The following PITPNM1 variants were observed in gnomAD, a reference collection of about 807,000 sequenced individuals.
PITPNM1 encodes the protein phosphatidylinositol transfer protein membrane associated 1.
Under a neutral mutation model 133.3 loss-of-function variants are expected in PITPNM1, and 74 were observed. That is an observed-to-expected ratio of 0.56 (90% CI 0.46 to 0.67). PITPNM1 has a LOEUF of 0.67. Ranked by LOEUF, PITPNM1 falls within the 30% of genes least tolerant of loss-of-function variation. The pLI is 0.00. For missense variants in PITPNM1, 1,398 were observed against 1,739.5 expected (o/e 0.80, Z 3.49); for synonymous variants, 738 against 741.4 (o/e 1.00, Z 0.08).
chr11:67,497,109 G>A, intron 14 of PITPNM1, 122 bp downstream of exon 14: 1 of 790,096 alleles, frequency 1.3e-6, no homozygotes. Context: ...TCTGTAGCCA[G>A]GCCTTTGAAT....
rs147615368 is a variant in PITPNM1, at chr11:67,499,727, C to A, written c.1167G>T (p.Thr389=). The change falls in exon 8 of 24, where the codon ACG becomes ACT. Residue 389 remains threonine, a synonymous_variant. Transcript: ENST00000356404. ...TGTCCTAGGCGGTATCTTTACCTGG[C>A]GTTCCCTCTGCCTCCACTGGGGAGG... The part of the protein sequence containing the change: ...AFASPVEAEG[T]PEPGAEAAKG... 8 of 1,493,636 alleles carry A rather than the reference C, an allele frequency of 5.4e-6. No homozygotes were observed. In the Admixed American group the frequency reaches 9.0e-5, roughly 17 times the overall value. 92.5% of individuals were successfully genotyped at this position (1,493,636 alleles called of 1,614,324 possible). A position where few individuals can be genotyped will look rare whatever the true frequency, so the allele number is the denominator to read the frequency against.
In PITPNM1 at chr11:67,494,828, G is replaced by T; in HGVS notation, c.2742+18C>A. The stretch of plus-strand genomic sequence containing the variant: ...AGAGTGGGCGAGTGGGCGAGGGGGC[G>T]AGGGGCAGGGCACCTACCCGGATCT... On this transcript the variant is annotated intron_variant, in intron 18 of 23. Transcript: ENST00000356404. 1 of 1,553,246 alleles carries T rather than the reference G, an allele frequency of 6.4e-7. No individual in the cohort carries two copies. Among genetic ancestry groups the T allele is most frequent in the Non-Finnish European group, 8.8e-7 (1 of 1,130,410 alleles).
intron 23 of PITPNM1, 40 bp downstream of exon 23, chr11:67,492,894 C>G (rs780405510): frequency 1.3e-6 from 2 of 1,597,244 alleles, no homozygotes; most frequent in South Asian, 1.1e-5. Flanking sequence ...GGCCCTGCCC[C>G]CTGGTGGGGT....
chr11:67,498,904 G>A lies in PITPNM1; in HGVS notation c.1233+36C>T, dbSNP rs537467937. The stretch of plus-strand genomic sequence containing the variant: ...CAGCAGTGGCCGGGCCAGTGAGTAG[G>A]GGGAGCTTTGACATGGGGTGGCTGA... On this transcript the variant is annotated intron_variant, in intron 9 of 23. Transcript: ENST00000356404. This position sits in a 1 kb window ranked among gnomAD's most constrained non-coding sequence, Gnocchi z 5.7. The A allele has an allele frequency of 3.1e-6, 5 of 1,611,834 alleles. No individual in the cohort carries two copies. In the East Asian group the frequency reaches 1.1e-4, roughly 36 times the overall value.
chr11:67,493,281 G>T, intron 22 of PITPNM1, 129 bp downstream of exon 22: 1 of 1,137,590 alleles, frequency 8.8e-7, no homozygotes, highest in Non-Finnish European at 1.2e-6. Flanking sequence ...GACCGTAGCG[G>T]GCCGCTGCAG....
intron 15 of PITPNM1, 91 bp from the exon 16 acceptor site, chr11:67,495,693 G>C: frequency 7.9e-7 from 1 of 1,272,454 alleles, no homozygotes; most frequent in Non-Finnish European, 1.1e-6. Context: ...CCATCTTCCT[G>C]TGGCCCCTCT....
chr11:67,497,353 T>C lies in PITPNM1; in HGVS notation c.2024A>G (p.Glu675Gly). ...AGTGCTGCTGGGGCCGTCAGGTGCCTCGGAACTGGCAGCGGGTGGGCAGAA... is the reference window on the plus strand; with the variant it reads ...AGTGCTGCTGGGGCCGTCAGGTGCCCCGGAACTGGCAGCGGGTGGGCAGAA... ...TAFCPPAASS[E>G]APDGPSSTAR... is the part of the protein sequence containing the mutation. Residue 675 changes from glutamate (E) to glycine (G), a missense_variant, in exon 14 of 24, where the codon GAG becomes GGG. Transcript: ENST00000356404. 2 of 1,606,734 alleles carry C rather than the reference T, an allele frequency of 1.2e-6. No homozygotes were observed. The highest frequency in any genetic ancestry group is 1.7e-6 in the Non-Finnish European group (2 of 1,175,666).
In PITPNM1 at chr11:67,492,210, GGCA is replaced by G; in HGVS notation, c.3555_3557del (p.Ala1186del). 2.5e-6 allele frequency: 4 copies of G among 1,610,756 alleles called. No individual in the cohort carries two copies. Among genetic ancestry groups the G allele is most frequent in the Non-Finnish European group, 3.4e-6 (4 of 1,179,228 alleles). On this transcript the variant is annotated inframe_deletion, in exon 24 of 24. Coordinates refer to ENST00000356404, the MANE Select transcript of PITPNM1 (RefSeq NM_004910.3). Reference sequence around the variant, plus strand: ...CCACACCATAGCTGCTCTTGCCCAAGGCAGCTCTCGGGGGTCCCGAGGAGGCAT... The same window carrying G: ...CCACACCATAGCTGCTCTTGCCCAAGGCTCTCGGGGGTCCCGAGGAGGCAT...
At position 67,504,223 on chromosome 11, in the gene PITPNM1, T is replaced by A. The variant is rs1183251269; in HGVS notation, c.-41-2A>T. On this transcript the variant is annotated splice_acceptor_variant, in intron 1 of 23. Coordinates refer to ENST00000356404, the MANE Select transcript of PITPNM1 (RefSeq NM_004910.3). LOFTEE classifies it low-confidence loss of function (5UTR_SPLICE). The surrounding 1 kb of genome is among the most constrained non-coding windows in gnomAD (Gnocchi z 5.4). The stretch of plus-strand genomic sequence containing the variant: ...GGCCGCGCGCGGCCTCCGCTCCTCC[T>A]GGCGCAGGGCACGGCGCGACAGTCA... The A allele has an allele frequency of 7.0e-7, 1 of 1,420,728 alleles. No homozygotes were observed. Among genetic ancestry groups the A allele is most frequent in the Non-Finnish European group, 9.5e-7 (1 of 1,048,052 alleles). The allele number at this position is 1,420,728 out of a possible 1,614,324, so 88.0% of individuals were successfully genotyped here. A position where few individuals can be genotyped will look rare whatever the true frequency, so the allele number is the denominator to read the frequency against.
chr11:67,503,938 C>T (rs1866410420), intron 2 of PITPNM1, 165 bp downstream of exon 2: 4 of 539,066 alleles, frequency 7.4e-6, no homozygotes, highest in African/African-American at 2.0e-5. Flanking sequence ...AAGCACCACT[C>T]GGCCCTCCTG....
intron 7 of PITPNM1, 42 bp from the exon 8 acceptor site, chr11:67,499,872 C>T (rs925967860): frequency 6.3e-7 from 1 of 1,596,066 alleles, no homozygotes; most frequent in Non-Finnish European, 8.6e-7. Context: ...GGAGGAGCTG[C>T]TCGGGGACAT....
Position 67,504,201 on chromosome 11 carries a change from C to T in PITPNM1, c.-21G>A, listed in dbSNP as rs943701347. The T allele has an allele frequency of 7.6e-6, 12 of 1,576,182 alleles. No homozygotes were observed. The Admixed American group carries it at 1.4e-4, about 19-fold the overall frequency. On this transcript the variant is annotated 5_prime_UTR_variant, in exon 2 of 24. Coordinates refer to ENST00000356404, the MANE Select transcript of PITPNM1 (RefSeq NM_004910.3). The surrounding 1 kb of genome is among the most constrained non-coding windows in gnomAD (Gnocchi z 5.4). ...AGCATCCTGAAGGCGCTCGGCGGGC[C>T]GCGCGCGGCCTCCGCTCCTCCTGGC...
chr11:67,493,033 C>T lies in PITPNM1; in HGVS notation c.3372G>A (p.Gly1124=). 1 of 1,613,068 alleles carries T rather than the reference C, an allele frequency of 6.2e-7. No homozygotes were observed. Among genetic ancestry groups the T allele is most frequent in the South Asian group, 1.1e-5 (1 of 91,084 alleles). ...CGTATACAGCCACATCTTTGGGAGA[C>T]CCATAACCGGCCACGATGTTCAGTT... ...EVELNIVAGY[G]SPKDVAVYAA... Residue 1124 remains glycine (G), a synonymous_variant, in exon 23 of 24, where the codon GGG becomes GGA. Coordinates refer to ENST00000356404, the MANE Select transcript of PITPNM1 (RefSeq NM_004910.3).
At position 67,499,976 on chromosome 11, in the gene PITPNM1, C is replaced by T. The variant is rs1490023443; in HGVS notation, c.1001G>A (p.Arg334His). ...AGAGTCTCGGGCAATGTTCTGCATG[C>T]GCCACTCAGACAAGCTCTGGGGAGA... ...AVSPQSLSEW[R>H]MQNIARDSEN... Residue 334 changes from arginine to histidine, a missense_variant, in exon 7 of 24, where the codon CGC (arginine) becomes CAC (histidine). Physicochemically the swap from Arg to His is conservative, Grantham distance 29 (BLOSUM62 0). Around this residue, in one of 5 missense-constraint regions of PITPNM1, gnomAD observed 195 missense variants for 178.8 expected, o/e 1.09. Coordinates refer to ENST00000356404, the MANE Select transcript of PITPNM1 (RefSeq NM_004910.3). 5.0e-6 allele frequency: 8 copies of T among 1,612,566 alleles called. No homozygotes were observed. The highest frequency in any genetic ancestry group is 2.2e-5 in the East Asian group (1 of 44,864).
In PITPNM1 at chr11:67,496,208, G is replaced by T. The variant is rs755562660; in HGVS notation, c.2287C>A (p.Pro763Thr). 2 of 1,545,718 alleles carry T rather than the reference G, an allele frequency of 1.3e-6. No individual in the cohort carries two copies. The highest frequency in any genetic ancestry group is 1.4e-5 in the African/African-American group (1 of 70,292). ...PLTVPRYQKF[P>T]LGDGSSLLLA... Reference sequence around the variant, plus strand: ...AGCAGGGATGAGCCATCTCCCAGGGGGAACTTCTGGTAGCGGGGCACGGTC... The same window carrying T: ...AGCAGGGATGAGCCATCTCCCAGGGTGAACTTCTGGTAGCGGGGCACGGTC... The change falls in exon 15 of 24, where the codon CCC (proline) becomes ACC (threonine). Residue 763 changes from proline to threonine, a missense_variant. Physicochemically the swap from Pro to Thr is conservative, Grantham distance 38. Around this residue, in one of 5 missense-constraint regions of PITPNM1, gnomAD observed 574 missense variants for 698.7 expected, o/e 0.82. Transcript: ENST00000356404.
intron 22 of PITPNM1, 147 bp from the exon 23 acceptor site, chr11:67,493,209 G>A: frequency 8.8e-7 from 1 of 1,136,748 alleles, no homozygotes; most frequent in South Asian, 1.4e-5. Flanking sequence ...GACAGGGGCG[G>A]GACCAGCTGC....
rs1218229420 is a variant in PITPNM1, at chr11:67,497,528, T to C, written c.1934A>G (p.Gln645Arg). 5.0e-6 allele frequency: 8 copies of C among 1,607,924 alleles called. No homozygotes were observed. Among genetic ancestry groups the C allele is most frequent in the Non-Finnish European group, 6.8e-6 (8 of 1,178,086 alleles). The change falls in exon 13 of 24, where the codon CAG becomes CGG. Residue 645 changes from glutamine to arginine, a missense_variant. Gln to Arg is a conservative substitution (Grantham distance 43, BLOSUM62 1). This residue lies in a region of PITPNM1 where 574 missense variants were observed against 698.7 expected (regional missense o/e 0.82). Coordinates refer to ENST00000356404, the MANE Select transcript of PITPNM1 (RefSeq NM_004910.3). Reference protein sequence around the residue: ...DMASPEPEGSQNSLQAAPATT... With the variant: ...DMASPEPEGSRNSLQAAPATT... ...GATGGGGCAGGGACGTCACCTGTTCTGAGAGCCCTCGGGCTCAGGACTGGC... is the reference window on the plus strand; with the variant it reads ...GATGGGGCAGGGACGTCACCTGTTCCGAGAGCCCTCGGGCTCAGGACTGGC...
rs369486411 is a variant in PITPNM1, at chr11:67,497,331, G to A, written c.2046C>T (p.Ser682=). 1.9e-6 allele frequency: 3 copies of A among 1,610,736 alleles called. No individual in the cohort carries two copies. In the African/African-American group the frequency reaches 4.0e-5, roughly 22 times the overall value. The change falls in exon 14 of 24, where the codon AGC becomes AGT. Residue 682 remains serine (S), a synonymous_variant. Transcript: ENST00000356404. Reference sequence around the variant, plus strand: ...AGACCTTGAAGTCAAGGCGGGCAGTGCTGCTGGGGCCGTCAGGTGCCTCGG... The same window carrying A: ...AGACCTTGAAGTCAAGGCGGGCAGTACTGCTGGGGCCGTCAGGTGCCTCGG... The part of the protein sequence containing the change: ...ASSEAPDGPS[S]TARLDFKVSG...
intron 15 of PITPNM1, 52 bp from the exon 16 acceptor site, chr11:67,495,654 C>A: frequency 2.0e-6 from 3 of 1,482,276 alleles, no homozygotes; most frequent in Non-Finnish European, 2.7e-6. Context: ...GCTCTCCTGT[C>A]TTCTCACCCA....
Sources: allele counts gnomAD v4.1 joint callset, GRCh38; gene constraint gnomAD v4.1.1; regional missense constraint gnomAD v4.1.1; non-coding constraint Gnocchi (gnomAD v3.1); transcripts MANE v1.5; gene names NCBI Gene and HGNC (gene_info 2026-07-23, HGNC 2026-07-21).